QTMAN: variants seen among roughly 807,000 people sequenced by gnomAD.
QTMAN encodes the protein tRNA-queuosine alpha-mannosyltransferase.
chr2:144,199,631 T>C, the QTMAN span, among the ~76,000 whole-genome samples: 1 of 152,090 alleles, frequency 6.6e-6, no homozygotes, highest in Non-Finnish European at 1.5e-5. Context: ...AATCTCTAGC[T>C]CTAAAAATTA....
At chr2:144,057,002 A>G in the QTMAN span, among the ~76,000 whole-genome samples, 1 of 152,342 alleles carries the variant, frequency 6.6e-6, no homozygotes, top group East Asian at 1.9e-4. Flanking sequence ...TTCCATTTGG[A>G]GATCCATCCA....
chr2:144,113,529 T>C, the QTMAN span, among the ~76,000 whole-genome samples: 1 of 152,206 alleles, frequency 6.6e-6, no homozygotes, highest in Admixed American at 6.5e-5. Context: ...AAGGTGATGA[T>C]GAAAAAATAT....
the QTMAN span, among the ~76,000 whole-genome samples, chr2:144,043,510 T>C: frequency 1.4e-4 from 21 of 152,010 alleles, no homozygotes; most frequent in East Asian, 4.1e-3. Context: ...GACGGGTGCC[T>C]GTAATCCCAC....
At chr2:144,228,845 C>A in the QTMAN span, among the ~76,000 whole-genome samples, 1 of 152,268 alleles carries the variant, frequency 6.6e-6, no homozygotes. Flanking sequence ...GTAATCCCAG[C>A]TACTCATGAG....
chr2:144,328,734 A>ACC, the QTMAN span, among the ~76,000 whole-genome samples: 1 of 152,136 alleles, frequency 6.6e-6, no homozygotes, highest in Non-Finnish European at 1.5e-5. Context: ...ATCCTACTCT[A>ACC]CCGTACAACT....
the QTMAN span, among the ~76,000 whole-genome samples, chr2:144,192,326 C>T: frequency 2.0e-5 from 3 of 152,006 alleles, no homozygotes; most frequent in African/African-American, 4.8e-5. Flanking sequence ...AGGCTGGTTT[C>T]GAACTCCTGA....
the QTMAN span, among the ~76,000 whole-genome samples, chr2:144,249,585 G>A: frequency 6.6e-6 from 1 of 152,188 alleles, no homozygotes; most frequent in African/African-American, 2.4e-5. Context: ...TAAAGTCTAT[G>A]AATACAATAG....
At chr2:144,133,483 TAAAA>T in the QTMAN span, among the ~76,000 whole-genome samples, 1 of 74,028 alleles carries the variant, frequency 1.4e-5, no homozygotes, top group Non-Finnish European at 2.4e-5. Context: ...ATATAATATA[TAAAA>T]TATATATTAT....
At chr2:144,108,628 A>T in the QTMAN span, among the ~76,000 whole-genome samples, 1 of 150,706 alleles carries the variant, frequency 6.6e-6, no homozygotes, top group East Asian at 2.0e-4. Flanking sequence ...ACAGAGCAAG[A>T]CTCTGTCTCA....
the QTMAN span, among the ~76,000 whole-genome samples, chr2:144,304,472 GA>G: frequency 3.9e-5 from 6 of 151,940 alleles, no homozygotes; most frequent in Admixed American, 3.9e-4. Context: ...ATACAAAGAA[GA>G]AAAATGTGAC....
the QTMAN span, chr2:144,208,505 T>C: frequency 5.0e-6 from 5 of 1,009,146 alleles, no homozygotes; most frequent in African/African-American, 3.2e-5. Context: ...ACCAATTCCA[T>C]AGTTGGAGAA....
At chr2:144,119,303 T>C in the QTMAN span, among the ~76,000 whole-genome samples, 4 of 152,206 alleles carry the variant, frequency 2.6e-5, no homozygotes, top group Non-Finnish European at 5.9e-5. Context: ...AACCCTGAGA[T>C]AGTCACACCC....
At chr2:144,219,573 C>G in the QTMAN span, among the ~76,000 whole-genome samples, 1 of 152,122 alleles carries the variant, frequency 6.6e-6, no homozygotes, top group Non-Finnish European at 1.5e-5. Flanking sequence ...GTAATCCCAG[C>G]ACTTTGGGAG....
At chr2:144,147,044 C>T in the QTMAN span, among the ~76,000 whole-genome samples, 1 of 151,754 alleles carries the variant, frequency 6.6e-6, no homozygotes, top group Non-Finnish European at 1.5e-5. Flanking sequence ...TACTATAAAT[C>T]CTCCCTTGCT....
the QTMAN span, among the ~76,000 whole-genome samples, chr2:144,299,979 T>C: frequency 1.3e-5 from 2 of 152,250 alleles, no homozygotes; most frequent in Non-Finnish European, 2.9e-5. Context: ...TGAATGAACC[T>C]TGAAGACATT....
chr2:144,118,693 C>T, the QTMAN span, among the ~76,000 whole-genome samples: 1 of 152,046 alleles, frequency 6.6e-6, no homozygotes, highest in Non-Finnish European at 1.5e-5. Context: ...ACCATCCTGG[C>T]TAACATGGAA....
At chr2:144,101,751 C>T in the QTMAN span, among the ~76,000 whole-genome samples, 1 of 151,988 alleles carries the variant, frequency 6.6e-6, no homozygotes, top group Admixed American at 6.6e-5. Flanking sequence ...TAAAAATTAA[C>T]ATTATTCTGT....
chr2:143,944,709 G>C, the QTMAN span: 1 of 152,288 alleles, frequency 6.6e-6, no homozygotes, highest in African/African-American at 2.4e-5. Context: ...CTCCCAAAGT[G>C]CTGGGATTAC....
At chr2:144,030,287 T>C in the QTMAN span, among the ~76,000 whole-genome samples, 3 of 152,208 alleles carry the variant, frequency 2.0e-5, no homozygotes, top group African/African-American at 4.8e-5. Context: ...TAAGCAGTAT[T>C]AATATAGTGC....
Sources: allele counts gnomAD v4.1 joint callset (sites outside exome capture counted in the v4.1 genomes callset), GRCh38; gene constraint gnomAD v4.1.1; transcripts MANE v1.5; gene names NCBI Gene and HGNC (gene_info 2026-07-23, HGNC 2026-07-21).